SH2D4A: variants seen among roughly 807,000 people sequenced by gnomAD.
SH2D4A encodes SH2 domain-containing protein 4A.
Under a neutral mutation model 64.7 loss-of-function variants are expected in SH2D4A, and 70 were observed. That is an observed-to-expected ratio of 1.08 (90% CI 0.89 to 1.32). SH2D4A has a LOEUF of 1.32. Ranked by LOEUF, SH2D4A falls within the 40% of genes most tolerant of loss-of-function variation. The pLI is 0.00. For synonymous variants in SH2D4A, 268 were observed against 200.7 expected (o/e 1.34, Z -2.83); for missense variants, 706 against 540.1 (o/e 1.31, Z -3.04).
In SH2D4A at chr8:19,394,655, G is replaced by T; in HGVS notation, c.*13G>T. On this transcript the variant is annotated 3_prime_UTR_variant, in exon 10 of 10. Coordinates refer to ENST00000265807, the MANE Select transcript of SH2D4A (RefSeq NM_022071.4). ...GCTGTTTGAGTGACAGCCTCCATCA[G>T]GGTCATCCTACAGCCTCCAAGCGGG... 1 of 1,594,696 alleles carries T rather than the reference G, an allele frequency of 6.3e-7. No homozygotes were observed. Among genetic ancestry groups the T allele is most frequent in the South Asian group, 1.1e-5 (1 of 88,850 alleles).
In SH2D4A at chr8:19,327,302, C is replaced by T. The variant is rs372950937; in HGVS notation, c.182-5653C>T. 1.0e-3 allele frequency among the ~76,000 whole-genome samples: 152 copies of T among 152,270 alleles called. 2 individuals carry two copies. Among genetic ancestry groups the T allele is most frequent in the African/African-American group, 3.5e-3 (147 of 41,550 alleles). ...ATTAAACGAAGTGCTATAAAAAGCT[C>T]CCTCCTTCACTCACCTCTGATTAAA... On this transcript the variant is annotated intron_variant, in intron 2 of 9. Coordinates refer to ENST00000265807, the MANE Select transcript of SH2D4A (RefSeq NM_022071.4).
chr8:19,314,020 G>A, intron 1 of SH2D4A, 197 bp downstream of exon 1: 1 of 1,186,102 alleles, frequency 8.4e-7, no homozygotes, highest in Non-Finnish European at 1.0e-6. Context: ...CGGCGAGAGC[G>A]GCCGCGGCGG....
chr8:19,375,245 G>A (rs907022237), intron 8 of SH2D4A: 2 of 152,094 alleles, frequency 1.3e-5, no homozygotes, highest in African/African-American at 4.8e-5. Flanking sequence ...CATATAGTCA[G>A]TATACATCTT....
intron 8 of SH2D4A, among the ~76,000 whole-genome samples, chr8:19,382,429 C>T (rs1585206864): frequency 6.6e-6 from 1 of 152,148 alleles, no homozygotes; most frequent in Admixed American, 6.6e-5. Context: ...AACCATACTT[C>T]AAGTACCTGT....
intron 7 of SH2D4A, among the ~76,000 whole-genome samples, chr8:19,373,156 GC>G (rs2053132336): frequency 6.6e-6 from 1 of 151,826 alleles, no homozygotes. Flanking sequence ...TCTATAACTA[GC>G]CCTTTAAGAC....
At chr8:19,342,465 G>A (rs1056252763) in intron 4 of SH2D4A, among the ~76,000 whole-genome samples, 1 of 152,244 alleles carries the variant, frequency 6.6e-6, no homozygotes, top group Non-Finnish European at 1.5e-5. Flanking sequence ...GCTATTTGGT[G>A]AAACGGGCAG....
chr8:19,390,447 A>G (rs184328920), intron 8 of SH2D4A, among the ~76,000 whole-genome samples: 1 of 152,308 alleles, frequency 6.6e-6, no homozygotes, highest in African/African-American at 2.4e-5. Context: ...AGAATTCCCT[A>G]TCCCAGCAGA....
intron 8 of SH2D4A, among the ~76,000 whole-genome samples, chr8:19,380,091 T>A (rs552186094): frequency 3.3e-5 from 5 of 152,184 alleles, no homozygotes; most frequent in African/African-American, 1.2e-4. Context: ...TGAGGTCATA[T>A]GTCATTACGG....
chr8:19,395,611 GGAA>G lies in SH2D4A; in HGVS notation c.*975_*977del, dbSNP rs1308948744. ...TTTGGTAATAGACACAAATGCAGTG[GGAA>G]GAAGACCAGGGGACAAGAGGCAAGT... is the stretch of plus-strand genomic sequence containing the variant. On this transcript the variant is annotated 3_prime_UTR_variant, in exon 10 of 10. Transcript: ENST00000265807. The G allele has an allele frequency of 2.0e-5, 3 of 152,186 alleles. No individual in the cohort carries two copies. The highest frequency in any genetic ancestry group is 4.4e-5 in the Non-Finnish European group (3 of 68,098). The allele number at this position is 152,186 out of a possible 1,614,324, so 9.4% of individuals were successfully genotyped here.
intron 7 of SH2D4A, among the ~76,000 whole-genome samples, chr8:19,368,259 G>C (rs1056283254): frequency 1.3e-5 from 2 of 152,094 alleles, no homozygotes; most frequent in Non-Finnish European, 1.5e-5. Context: ...GATTACTATA[G>C]ATTTGTAGTA....
chr8:19,357,305 C>T (rs749569726), intron 5 of SH2D4A, 22 bp downstream of exon 5: 17 of 1,547,510 alleles, frequency 1.1e-5, no homozygotes, highest in Non-Finnish European at 1.4e-5. Context: ...CCCTTCTGTC[C>T]TCCGGGGGCT....
At chr8:19,389,222 G>T (rs1449730949) in intron 8 of SH2D4A, among the ~76,000 whole-genome samples, 1 of 152,212 alleles carries the variant, frequency 6.6e-6, no homozygotes, top group African/African-American at 2.4e-5. Flanking sequence ...TTTCCAACCA[G>T]AGCCTGCTGG....
intron 4 of SH2D4A, among the ~76,000 whole-genome samples, chr8:19,355,290 G>T (rs1318673362): frequency 6.6e-6 from 1 of 152,062 alleles, no homozygotes; most frequent in Non-Finnish European, 1.5e-5. Context: ...CTCCTTCCTG[G>T]TGGTGGAAAT....
chr8:19,370,904 G>A (rs1414850365), intron 7 of SH2D4A, among the ~76,000 whole-genome samples: 1 of 151,836 alleles, frequency 6.6e-6, no homozygotes, highest in Non-Finnish European at 1.5e-5. Context: ...TTTGCTTTGT[G>A]GTTACCATGA....
At position 19,339,002 on chromosome 8, in the gene SH2D4A, C is replaced by T. The variant is rs371838952; in HGVS notation, c.513+4145C>T. On this transcript the variant is annotated intron_variant, in intron 4 of 9. Coordinates refer to ENST00000265807, the MANE Select transcript of SH2D4A (RefSeq NM_022071.4). ...TCTGCAAGCTGAGGAGCCAGCAAGC[C>T]GGTACAAGTCCCCAAACCTCAAAAG... 4.1e-4 allele frequency among the ~76,000 whole-genome samples: 63 copies of T among 152,332 alleles called. No individual in the cohort carries two copies. The East Asian group carries it at 4.6e-3, about 11-fold the overall frequency.
chr8:19,364,921 A>G (rs2052966224), intron 7 of SH2D4A, among the ~76,000 whole-genome samples: 1 of 152,236 alleles, frequency 6.6e-6, no homozygotes. Flanking sequence ...GAAAAACTGT[A>G]GAAAAGTGCA....
At chr8:19,357,383 A>G in intron 5 of SH2D4A, 100 bp downstream of exon 5, 2 of 900,730 alleles carry the variant, frequency 2.2e-6, no homozygotes, top group South Asian at 2.9e-5. Flanking sequence ...AATGAAATTA[A>G]GCAGCAGGAT....
At chr8:19,367,557 T>C (rs1291571164) in intron 7 of SH2D4A, among the ~76,000 whole-genome samples, 2 of 152,182 alleles carry the variant, frequency 1.3e-5, no homozygotes, top group Non-Finnish European at 2.9e-5. Context: ...GAAATGCCTA[T>C]TGAGGTTTTT....
intron 5 of SH2D4A, 46 bp from the exon 6 acceptor site, chr8:19,361,157 T>C: frequency 8.1e-7 from 1 of 1,229,606 alleles, no homozygotes; most frequent in Non-Finnish European, 1.1e-6. Context: ...AGGTTCTTTT[T>C]TTGTTTTGTT....
Sources: gnomAD v4.1 joint callset for allele counts (sites outside exome capture counted in the v4.1 genomes callset) on GRCh38, gnomAD v4.1.1 for gene constraint, MANE v1.5 for transcripts, NCBI Gene and HGNC (gene_info 2026-07-23, HGNC 2026-07-21) for gene names.